Variants in H1-1 observed in about 807,000 individuals in gnomAD.
H1-1 encodes the protein H1.1 linker histone, cluster member, also known as histone H1.1.
A neutral mutation model predicts 0.8 loss-of-function variants in H1-1; 2 were observed. That is an observed-to-expected ratio of 2.64 (90% CI 1.08 to 8.30). The LOEUF (loss-of-function observed/expected upper bound fraction) is 8.30. Ranked by LOEUF, H1-1 falls within the 30% of genes most tolerant of loss-of-function variation. The pLI, the probability that H1-1 is intolerant of heterozygous loss-of-function variation, is 0.04. For missense variants in H1-1, 516 were observed against 262.6 expected, an observed-to-expected ratio of 1.97 and a Z score of -6.67; for synonymous variants, 211 against 108.2, an observed-to-expected ratio of 1.95 and a Z score of -5.89.
In H1-1 at chr6:26,017,754, A is replaced by T. The variant is rs780823533; in HGVS notation, c.-22T>A. ...ACATGGTGACTAACACAGCACACCA[A>T]ATAAAGTGGTATAAACCTGACGAAG... On this transcript the variant is annotated 5_prime_UTR_variant, in exon 1 of 1. In the 5' UTR this introduces an upstream ATG that the reference lacks. Transcript: ENST00000244573. 5 of 1,601,296 alleles carry T rather than the reference A, an allele frequency of 3.1e-6. No homozygotes were observed. The East Asian group carries it at 9.0e-5, about 29-fold the overall frequency.
At position 26,017,085 on chromosome 6, in the gene H1-1, T is replaced by G. The variant is rs1384552960; in HGVS notation, c.648A>C (p.Ter216TyrextTer?). The G allele has an allele frequency of 6.4e-7, 1 of 1,573,632 alleles. No individual in the cohort carries two copies. Among genetic ancestry groups the G allele is most frequent in the East Asian group, 2.2e-5 (1 of 44,684 alleles). Residue 216 changes from the stop codon to tyrosine, a stop_lost, in exon 1 of 1, where the codon TAA becomes TAC. Transcript: ENST00000244573. ...KPKKAAPKKK[*>Y] ...TACTAGAAGAAACTTCTAACTGAAT[T>G]TACTTTTTCTTGGGTGCCGCTTTCT...
At position 26,017,208 on chromosome 6, in the gene H1-1, TAC is replaced by T. The variant is rs1561912373; in HGVS notation, c.523_524del (p.Val175LysfsTer7). The T allele has an allele frequency of 8.1e-6, 13 of 1,614,102 alleles. No individual in the cohort carries two copies. The highest frequency in any genetic ancestry group is 8.5e-6 in the Non-Finnish European group (10 of 1,180,058). The part of the protein sequence containing the change: ...SSKNPKKPKT[V>X]KPKKVAKSPA... ...GGCTTTTAGCTACTTTCTTGGGCTT[TAC>T]AGTTTTGGGTTTTTTTGGATTCTTG... On this transcript the variant is annotated frameshift_variant, in exon 1 of 1. Transcript: ENST00000244573. LOFTEE classifies it high-confidence loss of function.
Position 26,017,723 on chromosome 6 carries a change from T to G in H1-1, c.10A>C (p.Thr4Pro). The G allele has an allele frequency of 1.2e-6, 2 of 1,612,840 alleles. No individual in the cohort carries two copies. The highest frequency in any genetic ancestry group is 1.7e-6 in the Non-Finnish European group (2 of 1,179,574). Residue 4 changes from threonine (T) to proline (P), a missense_variant, in exon 1 of 1, where the codon ACA becomes CCA. Transcript: ENST00000244573. ...GAAGCGGCGGGGGCGGGAGGCACTG[T>G]TTCAGACATGGTGACTAACACAGCA... MSE[T>P]VPPAPAASAA... is the part of the protein sequence containing the mutation.
rs1326921009 is a variant in H1-1 at position 26,017,212 on chromosome 6, G to A, written c.521C>T (p.Thr174Ile). The change falls in exon 1 of 1, where the codon ACT (threonine) becomes ATT (isoleucine). Residue 174 changes from threonine to isoleucine, a missense_variant. Transcript: ENST00000244573. ...KSSKNPKKPK[T>I]VKPKKVAKSP... The stretch of plus-strand genomic sequence containing the variant: ...TTTAGCTACTTTCTTGGGCTTTACA[G>A]TTTTGGGTTTTTTTGGATTCTTGGA... 1 of 1,614,170 alleles carries A rather than the reference G, an allele frequency of 6.2e-7. No individual in the cohort carries two copies. Among genetic ancestry groups the A allele is most frequent in the Non-Finnish European group, 8.5e-7 (1 of 1,180,034 alleles).
rs1014438140 is a variant in H1-1 at position 26,017,393 on chromosome 6, C to G, written c.340G>C (p.Ala114Pro). The change falls in exon 1 of 1, where the codon GCG becomes CCG. Residue 114 changes from alanine (A) to proline (P), a missense_variant. Ala to Pro is a conservative substitution (Grantham distance 27). Transcript: ENST00000244573. ...ASGSFKLNKK[A>P]SSVETKPGAS... ...CCGGGCTTGGTTTCCACGGAGGACG[C>G]CTTCTTGTTGAGCTTGAAGGAACCC... The G allele has an allele frequency of 2.5e-6, 4 of 1,614,126 alleles. No individual in the cohort carries two copies. The highest frequency in any genetic ancestry group is 3.4e-6 in the Non-Finnish European group (4 of 1,180,026).
chr6:26,017,181 A>T lies in H1-1; in HGVS notation c.552T>A (p.Pro184=). The T allele has an allele frequency of 3.1e-6, 5 of 1,614,092 alleles. 1 individual carries two copies. The change falls in exon 1 of 1, where the codon CCT becomes CCA. Residue 184 remains proline, a synonymous_variant. Transcript: ENST00000244573. The part of the protein sequence containing the change: ...TVKPKKVAKS[P]AKAKAVKPKA... ...TGGGTTTTACAGCCTTAGCTTTAGC[A>T]GGGCTTTTAGCTACTTTCTTGGGCT...
In H1-1 at chr6:26,017,761, T is replaced by G. The variant is rs367757993; in HGVS notation, c.-29A>C. ...GACTAACACAGCACACCAAATAAAG[T>G]GGTATAAACCTGACGAAGCAGGATG... On this transcript the variant is annotated 5_prime_UTR_variant, in exon 1 of 1. Coordinates refer to ENST00000244573, the MANE Select transcript of H1-1 (RefSeq NM_005325.4). The G allele has an allele frequency of 1.8e-5, 28 of 1,596,860 alleles. No homozygotes were observed. Among genetic ancestry groups the G allele is most frequent in the Non-Finnish European group, 2.3e-5 (27 of 1,170,392 alleles).
Position 26,017,203 on chromosome 6 carries a change from GGCTTTACA to G in H1-1, c.522_529del (p.Val175GlnfsTer5), listed in dbSNP as rs745519518. 6.2e-7 allele frequency: 1 copy of G among 1,614,100 alleles called. No homozygotes were observed. Among genetic ancestry groups the G allele is most frequent in the South Asian group, 1.1e-5 (1 of 91,082 alleles). Reference sequence around the variant, plus strand: ...AGCAGGGCTTTTAGCTACTTTCTTGGGCTTTACAGTTTTGGGTTTTTTTGGATTCTTGG... The same window carrying G: ...AGCAGGGCTTTTAGCTACTTTCTTGGGTTTTGGGTTTTTTTGGATTCTTGG... On this transcript the variant is annotated frameshift_variant, in exon 1 of 1. Coordinates refer to ENST00000244573, the MANE Select transcript of H1-1 (RefSeq NM_005325.4). LOFTEE classifies it high-confidence loss of function.
At position 26,017,389 on chromosome 6, in the gene H1-1, G is replaced by A. The variant is rs34541321; in HGVS notation, c.344C>T (p.Ser115Phe). Residue 115 changes from serine to phenylalanine, a missense_variant, in exon 1 of 1, where the codon TCC (serine) becomes TTC (phenylalanine). Coordinates refer to ENST00000244573, the MANE Select transcript of H1-1 (RefSeq NM_005325.4). ...SGSFKLNKKA[S>F]SVETKPGASK... ...GGCGCCGGGCTTGGTTTCCACGGAG[G>A]ACGCCTTCTTGTTGAGCTTGAAGGA... is the stretch of plus-strand genomic sequence containing the variant. 0.026 allele frequency: 41,821 copies of A among 1,614,036 alleles called. 642 individuals are homozygous for A. The highest frequency in any genetic ancestry group is 0.032 in the Non-Finnish European group (37,482 of 1,179,988).
At position 26,017,157 on chromosome 6, in the gene H1-1, G is replaced by A. The variant is rs1249512679; in HGVS notation, c.576C>T (p.Pro192=). 7 of 1,613,104 alleles carry A rather than the reference G, an allele frequency of 4.3e-6. No individual in the cohort carries two copies. Among genetic ancestry groups the A allele is most frequent in the South Asian group, 1.1e-5 (1 of 90,950 alleles). Residue 192 remains proline, a synonymous_variant, in exon 1 of 1, where the codon CCC becomes CCT. Coordinates refer to ENST00000244573, the MANE Select transcript of H1-1 (RefSeq NM_005325.4). ...TCGTCACCCTAGCCTTGGCCGCCTT[G>A]GGTTTTACAGCCTTAGCTTTAGCAG... is the stretch of plus-strand genomic sequence containing the variant. ...KSPAKAKAVK[P]KAAKARVTKP... is the part of the protein sequence containing the mutation.
rs373234832 is a variant in H1-1 at position 26,017,567 on chromosome 6, C to A, written c.166G>T (p.Glu56Ter). The change falls in exon 1 of 1, where the codon GAG (glutamate) becomes TAG (stop). Residue 56 changes from glutamate to a stop codon, truncating the protein, a stop_gained. Transcript: ENST00000244573. LOFTEE classifies it low-confidence loss of function (END_TRUNC). ...LIVQAASSSK[E>*]RGGVSLAALK... is the part of the protein sequence containing the mutation. ...GCTGCCAACGACACACCACCACGCT[C>A]CTTAGAGGAGGAAGCAGCCTGCACG... The A allele has an allele frequency of 1.9e-6, 3 of 1,614,074 alleles. No homozygotes were observed. In the African/African-American group the frequency reaches 4.0e-5, roughly 22 times the overall value.
At position 26,017,753 on chromosome 6, in the gene H1-1, A is replaced by C; in HGVS notation, c.-21T>G. ...GACATGGTGACTAACACAGCACACC[A>C]AATAAAGTGGTATAAACCTGACGAA... is the stretch of plus-strand genomic sequence containing the variant. On this transcript the variant is annotated 5_prime_UTR_variant, in exon 1 of 1. Coordinates refer to ENST00000244573, the MANE Select transcript of H1-1 (RefSeq NM_005325.4). 2 of 1,601,668 alleles carry C rather than the reference A, an allele frequency of 1.2e-6. No individual in the cohort carries two copies. Among genetic ancestry groups the C allele is most frequent in the Non-Finnish European group, 1.7e-6 (2 of 1,173,192 alleles).
chr6:26,017,165 C>A lies in H1-1; in HGVS notation c.568G>T (p.Val190Leu). ...VAKSPAKAKAVKPKAAKARVT... is the reference protein window; with the variant it reads ...VAKSPAKAKALKPKAAKARVT... Reference sequence around the variant, plus strand: ...CTAGCCTTGGCCGCCTTGGGTTTTACAGCCTTAGCTTTAGCAGGGCTTTTA... The same window carrying A: ...CTAGCCTTGGCCGCCTTGGGTTTTAAAGCCTTAGCTTTAGCAGGGCTTTTA... The change falls in exon 1 of 1, where the codon GTA becomes TTA. Residue 190 changes from valine (V) to leucine (L), a missense_variant. Val to Leu is a conservative substitution (Grantham distance 32, BLOSUM62 1). Transcript: ENST00000244573. 1 of 1,613,606 alleles carries A rather than the reference C, an allele frequency of 6.2e-7. No individual in the cohort carries two copies. The highest frequency in any genetic ancestry group is 8.5e-7 in the Non-Finnish European group (1 of 1,179,910).
Position 26,017,052 on chromosome 6 carries a change from C to CGTT in H1-1, c.*30_*32dup. 6.5e-7 allele frequency: 1 copy of CGTT among 1,549,732 alleles called. No individual in the cohort carries two copies. The highest frequency in any genetic ancestry group is 8.6e-7 in the Non-Finnish European group (1 of 1,156,270). On this transcript the variant is annotated 3_prime_UTR_variant, in exon 1 of 1. Coordinates refer to ENST00000244573, the MANE Select transcript of H1-1 (RefSeq NM_005325.4). ...ATGCGTAGGTGGCTCTTAAAAGAGCCGTTGGGTTACTAGAAGAAACTTCTA... is the reference window on the plus strand; with the variant it reads ...ATGCGTAGGTGGCTCTTAAAAGAGCCGTTGTTGGGTTACTAGAAGAAACTTCTA...
At position 26,017,218 on chromosome 6, in the gene H1-1, G is replaced by C. The variant is rs1761136058; in HGVS notation, c.515C>G (p.Pro172Arg). ...TRKSSKNPKK[P>R]KTVKPKKVAK... The stretch of plus-strand genomic sequence containing the variant: ...TACTTTCTTGGGCTTTACAGTTTTG[G>C]GTTTTTTTGGATTCTTGGAGGATTT... The change falls in exon 1 of 1, where the codon CCC becomes CGC. Residue 172 changes from proline (P) to arginine (R), a missense_variant. Pro to Arg is a moderately radical substitution (Grantham distance 103, BLOSUM62 -2). Coordinates refer to ENST00000244573, the MANE Select transcript of H1-1 (RefSeq NM_005325.4). 1.2e-6 allele frequency: 2 copies of C among 1,614,042 alleles called. No individual in the cohort carries two copies. The highest frequency in any genetic ancestry group is 1.7e-6 in the Non-Finnish European group (2 of 1,180,004).
chr6:26,017,515 C>T lies in H1-1; in HGVS notation c.218G>A (p.Gly73Asp), dbSNP rs778838310. ...AALKKALAAA[G>D]YDVEKNNSRI... ...GCTGTTGTTCTTCTCCACGTCGTAG[C>T]CTGCGGCCGCCAGCGCCTTTTTAAG... Residue 73 changes from glycine (G) to aspartate (D), a missense_variant, in exon 1 of 1, where the codon GGC (glycine) becomes GAC (aspartate). By Grantham distance (94) the Gly-to-Asp change is moderately conservative. Coordinates refer to ENST00000244573, the MANE Select transcript of H1-1 (RefSeq NM_005325.4). 142 of 1,614,024 alleles carry T rather than the reference C, an allele frequency of 8.8e-5. No individual in the cohort carries two copies. The highest frequency in any genetic ancestry group is 1.2e-4 in the Non-Finnish European group (139 of 1,180,036).
rs775204733 is a variant in H1-1, at chr6:26,017,618, C to A, written c.115G>T (p.Ala39Ser). 5.6e-6 allele frequency: 9 copies of A among 1,614,064 alleles called. 2 individuals carry two copies. The Middle Eastern group carries it at 4.9e-4, about 89-fold the overall frequency. The change falls in exon 1 of 1, where the codon GCT (alanine) becomes TCT (serine). Residue 39 changes from alanine (A) to serine (S), a missense_variant. Physicochemically the swap from Ala to Ser is moderately conservative, Grantham distance 99. Transcript: ENST00000244573. ...ATCAGCTCTGACACGGAAGGGCCAG[C>A]GGGTTTTTTCTTGGAGGCTGCTGCA... ...KAAAASKKKP[A>S]GPSVSELIVQ...
At position 26,017,596 on chromosome 6, in the gene H1-1, A is replaced by G. The variant is rs1428716619; in HGVS notation, c.137T>C (p.Leu46Pro). The G allele has an allele frequency of 9.9e-6, 16 of 1,614,084 alleles. No individual in the cohort carries two copies. Among genetic ancestry groups the G allele is most frequent in the Middle Eastern group, 1.6e-4 (1 of 6,084 alleles). Reference sequence around the variant, plus strand: ...AGAGGAGGAAGCAGCCTGCACGATCAGCTCTGACACGGAAGGGCCAGCGGG... The same window carrying G: ...AGAGGAGGAAGCAGCCTGCACGATCGGCTCTGACACGGAAGGGCCAGCGGG... ...KKPAGPSVSE[L>P]IVQAASSSKE... Residue 46 changes from leucine (L) to proline (P), a missense_variant, in exon 1 of 1, where the codon CTG (leucine) becomes CCG (proline). Leu to Pro is a moderately conservative substitution (Grantham distance 98). Transcript: ENST00000244573.
chr6:26,017,074 T>C lies in H1-1; in HGVS notation c.*11A>G. The C allele has an allele frequency of 6.4e-7, 1 of 1,570,282 alleles. No homozygotes were observed. The highest frequency in any genetic ancestry group is 8.6e-7 in the Non-Finnish European group (1 of 1,166,680). On this transcript the variant is annotated 3_prime_UTR_variant, in exon 1 of 1. Transcript: ENST00000244573. The stretch of plus-strand genomic sequence containing the variant: ...AGCCGTTGGGTTACTAGAAGAAACT[T>C]CTAACTGAATTTACTTTTTCTTGGG...
Sources: allele counts gnomAD v4.1 joint callset, GRCh38; gene constraint gnomAD v4.1.1; transcripts MANE v1.5; gene names NCBI Gene and HGNC (gene_info 2026-07-23, HGNC 2026-07-21).